LTV1: variants seen among roughly 807,000 people sequenced by gnomAD.
LTV1 encodes protein LTV1 homolog.
Under a neutral mutation model 59.9 loss-of-function variants are expected in LTV1, and 39 were observed. That is an observed-to-expected ratio of 0.65 (90% CI 0.50 to 0.85). The LOEUF (loss-of-function observed/expected upper bound fraction) is 0.85. Among genes scored for constraint, LTV1 ranks in the 40% least tolerant of loss-of-function variants. LTV1 has a pLI of 0.00. For synonymous variants in LTV1, 171 were observed against 189.5 expected (o/e 0.90, Z 0.80); for missense variants, 493 against 549.1 (o/e 0.90, Z 1.02).
rs1264592541 is a variant in LTV1 at position 143,857,686 on chromosome 6, G to A, written c.540-66G>A. ...TGAAATACCTTCCAATTTTACTTGT[G>A]TAAAGTGGTTTTGTTCTGTTACTTT... On this transcript the variant is annotated intron_variant, in intron 5 of 10. Coordinates refer to ENST00000367576, the MANE Select transcript of LTV1 (RefSeq NM_032860.5). This position sits in a 1 kb window ranked among gnomAD's most constrained non-coding sequence, Gnocchi z 5.2. 1 of 1,557,568 alleles carries A rather than the reference G, an allele frequency of 6.4e-7. No homozygotes were observed. Among genetic ancestry groups the A allele is most frequent in the Non-Finnish European group, 8.8e-7 (1 of 1,133,586 alleles).
intron 2 of LTV1, 30 bp from the exon 3 acceptor site, chr6:143,846,021 A>G (rs1467969347): frequency 6.2e-7 from 1 of 1,605,370 alleles, no homozygotes; most frequent in Non-Finnish European, 8.5e-7. Flanking sequence ...ATAGATAGTG[A>G]AGAAAGTACT....
At chr6:143,849,654 T>A (rs1467145683) in intron 3 of LTV1, among the ~76,000 whole-genome samples, 2 of 152,204 alleles carry the variant, frequency 1.3e-5, no homozygotes, top group East Asian at 1.9e-4. Flanking sequence ...GAACACAGAA[T>A]GTAGTTGTAA....
rs774894634 is a variant in LTV1 at position 143,860,526 on chromosome 6, A to G, written c.896A>G (p.Asn299Ser). 2 of 1,613,632 alleles carry G rather than the reference A, an allele frequency of 1.2e-6. No individual in the cohort carries two copies. Among genetic ancestry groups the G allele is most frequent in the Non-Finnish European group, 1.7e-6 (2 of 1,179,816 alleles). ...AGCAATCGCTTACAGGAAGTTTTGAATGACTACTATAAAGAGAAGGCAGAG... is the reference window on the plus strand; with the variant it reads ...AGCAATCGCTTACAGGAAGTTTTGAGTGACTACTATAAAGAGAAGGCAGAG... ...VDSNRLQEVL[N>S]DYYKEKAENC... Residue 299 changes from asparagine to serine, a missense_variant, in exon 7 of 11, where the codon AAT becomes AGT. By Grantham distance (46) the Asn-to-Ser change is conservative. Transcript: ENST00000367576.
intron 4 of LTV1, among the ~76,000 whole-genome samples, chr6:143,852,275 G>A (rs1317626497): frequency 4.6e-5 from 7 of 152,174 alleles, no homozygotes; most frequent in African/African-American, 1.2e-4. Context: ...TCTAACTGGC[G>A]TGAGATAGTT....
intron 4 of LTV1, among the ~76,000 whole-genome samples, chr6:143,851,534 C>T (rs1776983356): frequency 6.6e-6 from 1 of 151,928 alleles, no homozygotes; most frequent in Admixed American, 6.6e-5. Flanking sequence ...ACATTATTTT[C>T]ACCAGTGGAT....
intron 4 of LTV1, among the ~76,000 whole-genome samples, chr6:143,853,770 T>A (rs1777028504): frequency 6.6e-6 from 1 of 152,230 alleles, no homozygotes; most frequent in Non-Finnish European, 1.5e-5. Flanking sequence ...ATGGATTACG[T>A]TGAACCAGCC....
intron 3 of LTV1, among the ~76,000 whole-genome samples, chr6:143,849,043 C>T (rs1776941122): frequency 6.6e-6 from 1 of 152,086 alleles, no homozygotes; most frequent in South Asian, 2.1e-4. Context: ...GCCTTAAATA[C>T]AGAGTGAAAA....
chr6:143,856,878 T>A (rs1277701571), intron 4 of LTV1, among the ~76,000 whole-genome samples: 5 of 152,178 alleles, frequency 3.3e-5, no homozygotes, highest in African/African-American at 1.2e-4. Context: ...TGACCCCTGA[T>A]GGGAGGTGTC....
chr6:143,858,194 A>C, intron 6 of LTV1, 187 bp downstream of exon 6: 1 of 625,946 alleles, frequency 1.6e-6, no homozygotes, highest in Non-Finnish European at 2.9e-6. Context: ...GCAGTACAGG[A>C]GCACAAAGAC....
At chr6:143,853,108 GTTT>G (rs1309080167) in intron 4 of LTV1, among the ~76,000 whole-genome samples, 1 of 152,134 alleles carries the variant, frequency 6.6e-6, no homozygotes, top group Admixed American at 6.5e-5. Context: ...AGCATGGAAT[GTTT>G]TTCCATTTGT....
Position 143,862,848 on chromosome 6 carries a change from A to ATT in LTV1, c.1069_1070insTT (p.Tyr357PhefsTer49). The stretch of plus-strand genomic sequence containing the variant: ...GACTTTTATTTGTTTGTTTAGGTAC[A>ATT]TACTCAAATTTATATAACCATCCAC... On this transcript the variant is annotated frameshift_variant, in exon 9 of 11. Transcript: ENST00000367576. LOFTEE classifies it high-confidence loss of function. The surrounding 1 kb of genome is among the most constrained non-coding windows in gnomAD (Gnocchi z 4.2). 1 of 1,565,326 alleles carries ATT rather than the reference A, an allele frequency of 6.4e-7. No homozygotes were observed. Among genetic ancestry groups the ATT allele is most frequent in the African/African-American group, 1.4e-5 (1 of 73,882 alleles).
intron 6 of LTV1, 64 bp from the exon 7 acceptor site, chr6:143,860,362 T>A (rs1035259227): frequency 2.1e-5 from 31 of 1,472,200 alleles, no homozygotes; most frequent in Non-Finnish European, 2.6e-5. Flanking sequence ...AAAAAATTTT[T>A]AAGTGTGTAG....
At chr6:143,846,337 C>T (rs1435301058) in intron 3 of LTV1, 113 bp downstream of exon 3, 45 of 943,146 alleles carry the variant, frequency 4.8e-5, no homozygotes, top group Non-Finnish European at 7.0e-5. Context: ...AAAGATAGAC[C>T]ACGCCTCCAC....
chr6:143,857,876 A>G lies in LTV1; in HGVS notation c.664A>G (p.Thr222Ala), dbSNP rs777830890. The G allele has an allele frequency of 6.2e-7, 1 of 1,613,902 alleles. No individual in the cohort carries two copies. Among genetic ancestry groups the G allele is most frequent in the South Asian group, 1.1e-5 (1 of 91,058 alleles). The change falls in exon 6 of 11, where the codon ACT (threonine) becomes GCT (alanine). Residue 222 changes from threonine to alanine, a missense_variant. By Grantham distance (58) the Thr-to-Ala change is moderately conservative. Transcript: ENST00000367576. The surrounding 1 kb of genome is among the most constrained non-coding windows in gnomAD (Gnocchi z 5.2). ...AGACTGTATGTCTGTGCCCGGAAAA[A>G]CTCACAGAGCTATAGCAGATCACTT... ...DEDCMSVPGK[T>A]HRAIADHLFW...
chr6:143,851,977 T>C (rs1485067094), intron 4 of LTV1, among the ~76,000 whole-genome samples: 1 of 152,224 alleles, frequency 6.6e-6, no homozygotes, highest in Non-Finnish European at 1.5e-5. Context: ...CTGTCATTGA[T>C]GGGCATTTAA....
rs750424572 is a variant in LTV1, at chr6:143,844,493, G to T, written c.11G>T (p.Arg4Met). The change falls in exon 2 of 11, where the codon AGG (arginine) becomes ATG (methionine). Residue 4 changes from arginine (R) to methionine (M), a missense_variant. Transcript: ENST00000367576. ...GATTTTGTTCCTTTGAAGCCTCACA[G>T]GAAGAAAAAGCCCTTTATAGAGAAG... Reference protein sequence around the residue: MPHRKKKPFIEKKK... With the variant: MPHMKKKPFIEKKK... The T allele has an allele frequency of 1.5e-5, 24 of 1,612,754 alleles. No homozygotes were observed. The highest frequency in any genetic ancestry group is 1.7e-5 in the Non-Finnish European group (20 of 1,179,680).
Position 143,863,764 on chromosome 6 carries a change from GA to G in LTV1, c.*239del. 3.0e-6 allele frequency: 1 copy of G among 335,612 alleles called. No individual in the cohort carries two copies. 20.8% of individuals were successfully genotyped at this position (335,612 alleles called of 1,614,324 possible). A position where few individuals can be genotyped will look rare whatever the true frequency, so the allele number is the denominator to read the frequency against. On this transcript the variant is annotated 3_prime_UTR_variant, in exon 11 of 11. Transcript: ENST00000367576. The surrounding 1 kb of genome is among the most constrained non-coding windows in gnomAD (Gnocchi z 4.5). Reference sequence around the variant, plus strand: ...TTTGCTCTGAAGTAAATGACTTCATGAATGTGAAATGTTTGATAAATTAAAG... The same window carrying G: ...TTTGCTCTGAAGTAAATGACTTCATGATGTGAAATGTTTGATAAATTAAAG...
At position 143,857,853 on chromosome 6, in the gene LTV1, A is replaced by T; in HGVS notation, c.641A>T (p.Asp214Val). The T allele has an allele frequency of 6.2e-7, 1 of 1,614,138 alleles. No individual in the cohort carries two copies. ...TCTGCAGGCCTATTGTCAGATGAAG[A>T]CTGTATGTCTGTGCCCGGAAAAACT... is the stretch of plus-strand genomic sequence containing the variant. ...YDSAGLLSDE[D>V]CMSVPGKTHR... Residue 214 changes from aspartate (D) to valine (V), a missense_variant, in exon 6 of 11, where the codon GAC becomes GTC. Transcript: ENST00000367576. The surrounding 1 kb of genome is among the most constrained non-coding windows in gnomAD (Gnocchi z 5.2).
At chr6:143,861,004 C>G (rs1441746964) in intron 7 of LTV1, among the ~76,000 whole-genome samples, 1 of 151,530 alleles carries the variant, frequency 6.6e-6, no homozygotes, top group Non-Finnish European at 1.5e-5. Context: ...TCAGGTGATT[C>G]TCCTGCCTCA....
Sources: allele counts gnomAD v4.1 joint callset (sites outside exome capture counted in the v4.1 genomes callset), GRCh38; gene constraint gnomAD v4.1.1; non-coding constraint Gnocchi (gnomAD v3.1); transcripts MANE v1.5; gene names NCBI Gene and HGNC (gene_info 2026-07-23, HGNC 2026-07-21).